The following PRKCB variants were observed in gnomAD, a reference collection of about 807,000 sequenced individuals.
The protein encoded by PRKCB is protein kinase C beta type.
A neutral mutation model predicts 81.5 loss-of-function variants in PRKCB; 13 were observed. That is an observed-to-expected ratio of 0.16 (90% CI 0.10 to 0.25). The LOEUF is 0.25. PRKCB is among the 10% of genes least tolerant of loss of function. PRKCB has a pLI of 1.00. For missense variants in PRKCB, 509 were observed against 875.7 expected, an observed-to-expected ratio of 0.58 and a Z score of 5.29; for synonymous variants, 335 against 321.4, an observed-to-expected ratio of 1.04 and a Z score of -0.45.
chr16:24,096,585 G>T (rs1384391300), intron 7 of PRKCB, among the ~76,000 whole-genome samples: 3 of 147,202 alleles, frequency 2.0e-5, no homozygotes, highest in African/African-American at 7.6e-5. Context: ...GTACTGGGGT[G>T]TTGTTTTCAT....
chr16:24,022,584 C>T (rs4787652), intron 3 of PRKCB, among the ~76,000 whole-genome samples: 61,994 of 151,906 alleles, frequency 0.41, 12,966 homozygotes, highest in South Asian at 0.62. Context: ...CTCCGCCTCC[C>T]GGGTTCATGC....
intron 10 of PRKCB, among the ~76,000 whole-genome samples, chr16:24,158,604 A>ATGTGTG (rs377085007): frequency 6.7e-6 from 1 of 148,400 alleles, no homozygotes; most frequent in African/African-American, 2.5e-5. Context: ...ATGTGTGTGT[A>ATGTGTG]TGTGTGTGTG....
intron 2 of PRKCB, among the ~76,000 whole-genome samples, chr16:23,916,420 C>A (rs1308726637): frequency 6.6e-6 from 1 of 151,948 alleles, no homozygotes; most frequent in East Asian, 1.9e-4. Flanking sequence ...TCTATGGTCT[C>A]ATTTGTAGAA....
intron 3 of PRKCB, among the ~76,000 whole-genome samples, chr16:24,000,817 T>G (rs1168628690): frequency 6.6e-6 from 1 of 152,158 alleles, no homozygotes; most frequent in Non-Finnish European, 1.5e-5. Context: ...CCTCAAATTC[T>G]GTGATGCAGT....
In PRKCB at chr16:24,006,958, A is replaced by T. The variant is rs562054568; in HGVS notation, c.288+18368A>T. ...TGGATGACAGGCTTCACCTGAAGAGATAGAGATCAGGACCTGGGAATCCAT... is the reference window on the plus strand; with the variant it reads ...TGGATGACAGGCTTCACCTGAAGAGTTAGAGATCAGGACCTGGGAATCCAT... On this transcript the variant is annotated intron_variant, in intron 3 of 16. Coordinates refer to ENST00000643927, the MANE Select transcript of PRKCB (RefSeq NM_002738.7). 1.1e-4 allele frequency among the ~76,000 whole-genome samples: 17 copies of T among 152,318 alleles called. No homozygotes were observed. The South Asian group carries it at 3.3e-3, about 30-fold the overall frequency.
At chr16:23,982,088 C>G (rs1305361801) in intron 2 of PRKCB, among the ~76,000 whole-genome samples, 2 of 95,766 alleles carry the variant, frequency 2.1e-5, no homozygotes, top group Non-Finnish European at 4.2e-5. Context: ...CCTTTCCCTT[C>G]CCTTTCCTTT....
intron 16 of PRKCB, among the ~76,000 whole-genome samples, chr16:24,198,474 G>C (rs1967910797): frequency 6.6e-6 from 1 of 152,144 alleles, no homozygotes; most frequent in Non-Finnish European, 1.5e-5. Flanking sequence ...AGCTAAGTAG[G>C]CTTCATTAGA....
At chr16:23,931,696 G>A (rs993834289) in intron 2 of PRKCB, among the ~76,000 whole-genome samples, 1 of 151,934 alleles carries the variant, frequency 6.6e-6, no homozygotes, top group African/African-American at 2.4e-5. Flanking sequence ...TTCTGGGAGG[G>A]CTGGTGCCTT....
At chr16:24,076,729 G>A (rs911955271) in intron 5 of PRKCB, among the ~76,000 whole-genome samples, 4 of 152,184 alleles carry the variant, frequency 2.6e-5, no homozygotes, top group Non-Finnish European at 5.9e-5. Flanking sequence ...AACAGCATAG[G>A]GCTTGCTCTC....
chr16:23,976,511 A>T (rs892075248), intron 2 of PRKCB, among the ~76,000 whole-genome samples: 3 of 152,138 alleles, frequency 2.0e-5, no homozygotes, highest in Admixed American at 6.5e-5. Context: ...GAGCCAGAGG[A>T]TGAGGGCAGC....
chr16:24,156,830 T>C (rs1410248109), intron 10 of PRKCB, among the ~76,000 whole-genome samples: 1 of 152,118 alleles, frequency 6.6e-6, no homozygotes, highest in Non-Finnish European at 1.5e-5. Flanking sequence ...CCCTTTTCCA[T>C]TGGTTATCCC....
At chr16:23,843,450 T>TA (rs1035220926) in intron 2 of PRKCB, among the ~76,000 whole-genome samples, 5 of 152,146 alleles carry the variant, frequency 3.3e-5, no homozygotes, top group African/African-American at 9.7e-5. Context: ...TTCTTTTTTT[T>TA]ACCACCTGAC....
chr16:24,117,605 A>T (rs1374145381), intron 8 of PRKCB, among the ~76,000 whole-genome samples: 3 of 152,212 alleles, frequency 2.0e-5, no homozygotes, highest in Non-Finnish European at 2.9e-5. Context: ...AAGTAACTTT[A>T]TAAGGTCCCA....
rs181492069 is a variant in PRKCB, at chr16:24,220,386, T to C, written c.*5570T>C. The stretch of plus-strand genomic sequence containing the variant: ...AATGAACAGACAATGTCAAAACTAC[T>C]GTGTCTGATACCAAAATGCTTCAGT... On this transcript the variant is annotated 3_prime_UTR_variant, in exon 17 of 17. Transcript: ENST00000643927. 2.5e-5 allele frequency: 7 copies of C among 284,508 alleles called. No homozygotes were observed. The East Asian group carries it at 4.0e-4, about 16-fold the overall frequency. The allele number at this position is 284,508 out of a possible 1,614,324, so 17.6% of individuals were successfully genotyped here. A position where few individuals can be genotyped will look rare whatever the true frequency, so the allele number is the denominator to read the frequency against.
chr16:24,143,289 C>A (rs1966931525), intron 9 of PRKCB, among the ~76,000 whole-genome samples: 1 of 152,038 alleles, frequency 6.6e-6, no homozygotes, highest in Admixed American at 6.6e-5. Context: ...TGCACCACCA[C>A]ACCTGGCTAA....
intron 10 of PRKCB, among the ~76,000 whole-genome samples, chr16:24,160,001 T>G (rs1322850802): frequency 6.6e-6 from 1 of 151,906 alleles, no homozygotes; most frequent in Non-Finnish European, 1.5e-5. Context: ...TAAAATAAAA[T>G]AAAATAAAAT....
chr16:23,847,105 A>G (rs1962383165), intron 2 of PRKCB, among the ~76,000 whole-genome samples: 1 of 152,102 alleles, frequency 6.6e-6, no homozygotes, highest in Admixed American at 6.6e-5. Context: ...GATATGCAAC[A>G]CCATTAGTTC....
At chr16:23,919,059 A>G (rs1023544310) in intron 2 of PRKCB, among the ~76,000 whole-genome samples, 2 of 152,222 alleles carry the variant, frequency 1.3e-5, no homozygotes, top group African/African-American at 2.4e-5. Flanking sequence ...TAAACCTTCT[A>G]AGGTGACTAT....
At chr16:24,158,484 G>A (rs57815495) in intron 10 of PRKCB, among the ~76,000 whole-genome samples, 4,679 of 151,732 alleles carry the variant, frequency 0.031, 256 homozygotes, top group African/African-American at 0.11. Context: ...GCTTTAAGGA[G>A]TTTTGCATTT....
Sources: allele counts gnomAD v4.1 joint callset (sites outside exome capture counted in the v4.1 genomes callset), GRCh38; gene constraint gnomAD v4.1.1; transcripts MANE v1.5; gene names NCBI Gene and HGNC (gene_info 2026-07-23, HGNC 2026-07-21).